Variants in ARID1B observed in about 807,000 individuals in gnomAD.
ARID1B encodes the protein AT-rich interaction domain 1B.
In ARID1B, 30 loss-of-function variants were observed where a neutral mutation model predicts 212.3. The observed-to-expected ratio is 0.14, with a 90% CI of 0.11 to 0.19. The LOEUF (loss-of-function observed/expected upper bound fraction) is 0.19. Among genes scored for constraint, ARID1B ranks in the 10% least tolerant of loss-of-function variants. ARID1B has a pLI of 1.00. For synonymous variants in ARID1B, 1,402 were observed against 1,301.7 expected, an observed-to-expected ratio of 1.08 and a Z score of -1.66; for missense variants, 2,891 against 3,204.0, an observed-to-expected ratio of 0.90 and a Z score of 2.36.
rs2128585962 is a variant in ARID1B, at chr6:157,133,194, G to A, written c.2748G>A (p.Gln916=). The part of the protein sequence containing the change: ...SSGTYGPQMS[Q]YGPQGNYSRP... ...GGACTTACGGTCCACAGATGAGCCAGTATGGACCACAAGGTAAAACCAAAG... is the reference window on the plus strand; with the variant it reads ...GGACTTACGGTCCACAGATGAGCCAATATGGACCACAAGGTAAAACCAAAG... Residue 916 remains glutamine (Q), a synonymous_variant, in exon 7 of 20, where the codon CAG becomes CAA. Coordinates refer to ENST00000636930, the MANE Select transcript of ARID1B (RefSeq NM_001374828.1). 1 of 1,598,902 alleles carries A rather than the reference G, an allele frequency of 6.3e-7. No individual in the cohort carries two copies. The highest frequency in any genetic ancestry group is 8.5e-7 in the Non-Finnish European group (1 of 1,175,486).
chr6:156,802,776 A>G (rs1008312011), intron 1 of ARID1B, among the ~76,000 whole-genome samples: 3 of 151,860 alleles, frequency 2.0e-5, no homozygotes, highest in African/African-American at 4.9e-5. Flanking sequence ...GTGGCTAAGT[A>G]TAAGTTGAGG....
intron 4 of ARID1B, among the ~76,000 whole-genome samples, chr6:157,078,720 C>T (rs913061770): frequency 5.3e-5 from 8 of 152,078 alleles, no homozygotes; most frequent in South Asian, 2.1e-4. Context: ...TTTTTAAATA[C>T]CAAAGAAAAT....
At chr6:157,067,490 C>T (rs529994311) in intron 4 of ARID1B, among the ~76,000 whole-genome samples, 13 of 152,298 alleles carry the variant, frequency 8.5e-5, no homozygotes, top group African/African-American at 7.2e-5. Flanking sequence ...CGTGGTTTTA[C>T]GGGGCTGCAT....
At chr6:156,800,817 G>T (rs1436274603) in intron 1 of ARID1B, among the ~76,000 whole-genome samples, 1 of 152,052 alleles carries the variant, frequency 6.6e-6, no homozygotes, top group East Asian at 1.9e-4. Context: ...TGAGGTGGAG[G>T]ATCACCTGAG....
chr6:156,989,878 G>A (rs997180607), intron 4 of ARID1B, among the ~76,000 whole-genome samples: 2 of 152,168 alleles, frequency 1.3e-5, no homozygotes, highest in African/African-American at 4.8e-5. Context: ...TGCCATGTGG[G>A]AGAATGATAG....
chr6:157,192,149 G>A (rs143716216), intron 15 of ARID1B, among the ~76,000 whole-genome samples: 498 of 152,242 alleles, frequency 3.3e-3, no homozygotes, highest in African/African-American at 0.012. Context: ...CAAAAGCTTT[G>A]TGAATGTTGG....
chr6:157,137,083 A>T (rs559347572), intron 7 of ARID1B, among the ~76,000 whole-genome samples: 35 of 152,226 alleles, frequency 2.3e-4, no homozygotes, highest in South Asian at 1.9e-3. Flanking sequence ...CGGGAGGCTG[A>T]CATCAGAGGA....
At chr6:157,182,557 T>G (rs1266040484) in intron 12 of ARID1B, among the ~76,000 whole-genome samples, 5 of 151,920 alleles carry the variant, frequency 3.3e-5, no homozygotes, top group Non-Finnish European at 7.4e-5. Context: ...GGGCAAGTCA[T>G]CTGCCCTGCA....
chr6:157,176,591 A>G (rs1156999025), intron 11 of ARID1B, among the ~76,000 whole-genome samples: 1 of 152,244 alleles, frequency 6.6e-6, no homozygotes, highest in Middle Eastern at 3.2e-3. Flanking sequence ...CACGCCTATA[A>G]TCCCAGCACT....
chr6:156,995,368 T>A (rs1047132419), intron 4 of ARID1B, among the ~76,000 whole-genome samples: 8 of 152,240 alleles, frequency 5.3e-5, no homozygotes, highest in Non-Finnish European at 1.2e-4. Context: ...CTGTACAGTG[T>A]CCTGACTTAG....
intron 6 of ARID1B, among the ~76,000 whole-genome samples, chr6:157,132,158 GGGGCTGGCTTT>G (rs1788594703): frequency 6.6e-6 from 1 of 152,230 alleles, no homozygotes; most frequent in Non-Finnish European, 1.5e-5. Flanking sequence ...AGACACAACT[GGGGCTGGCTTT>G]GGTAGAAGTA....
chr6:156,931,050 T>C (rs746885728), intron 3 of ARID1B, among the ~76,000 whole-genome samples: 6 of 152,034 alleles, frequency 3.9e-5, no homozygotes, highest in Non-Finnish European at 8.8e-5. Flanking sequence ...ATTAGCCAGG[T>C]GTGGTGGCAC....
At chr6:157,149,657 TA>T (rs1447741954) in intron 8 of ARID1B, 1 of 152,226 alleles carries the variant, frequency 6.6e-6, no homozygotes, top group African/African-American at 2.4e-5. Context: ...ATAACATAAT[TA>T]AAAATTTATA....
In ARID1B at chr6:156,882,922, G is replaced by A. The variant is rs377133828; in HGVS notation, c.1987-18454G>A. Among the ~76,000 whole-genome samples, 38 of 152,290 alleles carry A rather than the reference G, an allele frequency of 2.5e-4. No individual in the cohort carries two copies. The East Asian group carries it at 6.0e-3, about 24-fold the overall frequency. On this transcript the variant is annotated intron_variant, in intron 2 of 19. Coordinates refer to ENST00000636930, the MANE Select transcript of ARID1B (RefSeq NM_001374828.1). ...TATTTTTGTGGCTAGGGGCTTTTAT[G>A]TTGAGGCCTCAGGATAGAGAACAAA... is the stretch of plus-strand genomic sequence containing the variant.
chr6:157,022,930 G>A (rs1283635958), intron 4 of ARID1B: 1 of 141,686 alleles, frequency 7.1e-6, no homozygotes, highest in African/African-American at 2.8e-5. Context: ...TGGCCTTGAA[G>A]AGTTCTGAAT....
At chr6:157,015,744 C>T (rs2128463191) in intron 4 of ARID1B, among the ~76,000 whole-genome samples, 1 of 152,334 alleles carries the variant, frequency 6.6e-6, no homozygotes, top group East Asian at 1.9e-4. Context: ...CGTTTGCTGT[C>T]ATTCTGTCTT....
intron 3 of ARID1B, among the ~76,000 whole-genome samples, chr6:156,913,275 G>A (rs1790060410): frequency 6.9e-6 from 1 of 145,578 alleles, no homozygotes; most frequent in Non-Finnish European, 1.5e-5. Context: ...GGAGTGCAGT[G>A]GCGCGATCTG....
chr6:156,832,908 A>C (rs1314493556), intron 2 of ARID1B, among the ~76,000 whole-genome samples: 1 of 151,460 alleles, frequency 6.6e-6, no homozygotes, highest in Non-Finnish European at 1.5e-5. Flanking sequence ...ACATCATTTT[A>C]GTCTTTATTA....
intron 4 of ARID1B, among the ~76,000 whole-genome samples, chr6:157,021,944 TAAG>T (rs1313452615): frequency 6.6e-6 from 1 of 152,122 alleles, no homozygotes; most frequent in Non-Finnish European, 1.5e-5. Context: ...GCCCAGCGCT[TAAG>T]GTTTTATTTT....
Sources: allele counts gnomAD v4.1 joint callset (sites outside exome capture counted in the v4.1 genomes callset), GRCh38; gene constraint gnomAD v4.1.1; transcripts MANE v1.5; gene names NCBI Gene and HGNC (gene_info 2026-07-23, HGNC 2026-07-21).